HIBCH: variants seen among roughly 807,000 people sequenced by gnomAD.
HIBCH encodes 3-hydroxyisobutyryl-CoA hydrolase.
In HIBCH, 50 loss-of-function variants were observed where a neutral mutation model predicts 58.2. The ratio of observed to expected loss-of-function variants is 0.86; its 90% CI spans 0.68 to 1.09. The LOEUF (loss-of-function observed/expected upper bound fraction) is 1.09. Among genes scored for constraint, HIBCH ranks in the 50% least tolerant of loss-of-function variants. HIBCH has a pLI of 0.00. For missense variants in HIBCH, 450 were observed against 449.7 expected, an observed-to-expected ratio of 1.00 and a Z score of -0.01; for synonymous variants, 151 against 146.9, an observed-to-expected ratio of 1.03 and a Z score of -0.20.
rs570865253 is a variant in HIBCH at position 190,242,774 on chromosome 2, G to C, written c.891+2113C>G. Among the ~76,000 whole-genome samples, 171 of 152,244 alleles carry C rather than the reference G, an allele frequency of 1.1e-3. 4 individuals are homozygous for C. The South Asian group carries it at 0.034, about 30-fold the overall frequency. On this transcript the variant is annotated intron_variant, in intron 11 of 13. Coordinates refer to ENST00000359678, the MANE Select transcript of HIBCH (RefSeq NM_014362.4). ...TTCCTCCATCTTTTGCTAAAAACAT[G>C]TTTGTGCATGCATATACTTGTACTA...
At chr2:190,308,071 T>G (rs902578496) in intron 2 of HIBCH, among the ~76,000 whole-genome samples, 6 of 152,158 alleles carry the variant, frequency 3.9e-5, no homozygotes, top group African/African-American at 1.5e-4. Context: ...AAGAATTGCT[T>G]GGGATACATC....
At chr2:190,224,997 GAAC>G (rs1232803374) in intron 11 of HIBCH, among the ~76,000 whole-genome samples, 8 of 152,194 alleles carry the variant, frequency 5.3e-5, no homozygotes, top group African/African-American at 1.4e-4. Context: ...CTTGGAAACA[GAAC>G]AACTTGCTCC....
At chr2:190,268,712 T>C (rs1422181434) in intron 6 of HIBCH, among the ~76,000 whole-genome samples, 1 of 152,234 alleles carries the variant, frequency 6.6e-6, no homozygotes, top group Non-Finnish European at 1.5e-5. Flanking sequence ...CTCCCATATT[T>C]CCAGATATTA....
At chr2:190,296,985 A>C in intron 2 of HIBCH, 32 bp from the exon 3 acceptor site, 2 of 1,610,148 alleles carry the variant, frequency 1.2e-6, no homozygotes, top group Non-Finnish European at 1.7e-6. Context: ...TTATGACAAA[A>C]TTTCTTAAGT....
intron 11 of HIBCH, among the ~76,000 whole-genome samples, chr2:190,231,763 G>C (rs1360686224): frequency 6.6e-6 from 1 of 151,720 alleles, no homozygotes; most frequent in Non-Finnish European, 1.5e-5. Context: ...AAGAAAAGGA[G>C]AAGAAGGAAT....
rs775016769 is a variant in HIBCH at position 190,210,634 on chromosome 2, T to A, written c.1012-1721A>T. Reference sequence around the variant, plus strand: ...CCTTAGAGAGACCTTCAAGGCTCTGTATGCTCTGCACAGCCTTTCTCTACA... The same window carrying A: ...CCTTAGAGAGACCTTCAAGGCTCTGAATGCTCTGCACAGCCTTTCTCTACA... On this transcript the variant is annotated intron_variant, in intron 12 of 13. Coordinates refer to ENST00000359678, the MANE Select transcript of HIBCH (RefSeq NM_014362.4). The surrounding 1 kb of genome is among the most constrained non-coding windows in gnomAD (Gnocchi z 5.5). 6.6e-6 allele frequency among the ~76,000 whole-genome samples: 1 copy of A among 152,218 alleles called. No homozygotes were observed. Among genetic ancestry groups the A allele is most frequent in the Non-Finnish European group, 1.5e-5 (1 of 68,040 alleles).
intron 1 of HIBCH, among the ~76,000 whole-genome samples, chr2:190,311,999 T>C (rs185788137): frequency 2.0e-5 from 3 of 152,328 alleles, no homozygotes; most frequent in African/African-American, 7.2e-5. Flanking sequence ...TTGGAAATTG[T>C]CTCTATCCCA....
chr2:190,256,636 G>C (rs1359093443), intron 7 of HIBCH, among the ~76,000 whole-genome samples: 1 of 151,970 alleles, frequency 6.6e-6, no homozygotes, highest in Non-Finnish European at 1.5e-5. Flanking sequence ...TAAAGATGCA[G>C]GAAAATACTA....
At chr2:190,192,978 T>G (rs1186171180) in intron 1 of HIBCH, among the ~76,000 whole-genome samples, 2 of 152,128 alleles carry the variant, frequency 1.3e-5, no homozygotes, top group Non-Finnish European at 2.9e-5. Flanking sequence ...TCTCCTTCTC[T>G]CAATCTTTAT....
intron 1 of HIBCH, among the ~76,000 whole-genome samples, chr2:190,316,742 G>A (rs1688716585): frequency 6.6e-6 from 1 of 152,024 alleles, no homozygotes; most frequent in African/African-American, 2.4e-5. Context: ...TCCTAACACA[G>A]AAAACAACCT....
intron 1 of HIBCH, among the ~76,000 whole-genome samples, chr2:190,313,205 G>C (rs193173464): frequency 6.6e-6 from 1 of 150,416 alleles, no homozygotes; most frequent in South Asian, 2.1e-4. Context: ...ACATGCTCAC[G>C]GGCATGTTCG....
chr2:190,295,910 T>G (rs1273237790), intron 3 of HIBCH, among the ~76,000 whole-genome samples: 1 of 152,240 alleles, frequency 6.6e-6, no homozygotes, highest in African/African-American at 2.4e-5. Context: ...GGTACTTATA[T>G]ATACTATTCA....
At chr2:190,270,381 T>G (rs981327882) in intron 6 of HIBCH, among the ~76,000 whole-genome samples, 6 of 151,854 alleles carry the variant, frequency 4.0e-5, no homozygotes, top group Non-Finnish European at 7.4e-5. Context: ...CAGACACATG[T>G]AAACAATTCA....
At chr2:190,247,156 G>T (rs1473828049) in intron 9 of HIBCH, among the ~76,000 whole-genome samples, 4 of 151,962 alleles carry the variant, frequency 2.6e-5, no homozygotes, top group African/African-American at 9.7e-5. Context: ...AACTCTAAGG[G>T]TTGTTTTTTC....
intron 1 of HIBCH, among the ~76,000 whole-genome samples, chr2:190,318,536 G>A (rs1035220418): frequency 2.0e-5 from 3 of 152,130 alleles, no homozygotes; most frequent in African/African-American, 7.2e-5. Flanking sequence ...GTCTGGAAAA[G>A]GCATCTCAGA....
chr2:190,287,466 C>A, intron 6 of HIBCH, 120 bp downstream of exon 6: 1 of 741,086 alleles, frequency 1.3e-6, no homozygotes, highest in Non-Finnish European at 2.4e-6. Flanking sequence ...AAAATCCACA[C>A]AATTATGTTT....
intron 11 of HIBCH, among the ~76,000 whole-genome samples, chr2:190,237,845 A>G (rs531609981): frequency 2.8e-4 from 40 of 145,000 alleles, no homozygotes; most frequent in Non-Finnish European, 5.3e-4. Flanking sequence ...GATGGGCCCC[A>G]GTGTGTGATG....
chr2:190,194,519 C>T (rs143632377), intron 1 of HIBCH, among the ~76,000 whole-genome samples: 79 of 150,016 alleles, frequency 5.3e-4, no homozygotes, highest in African/African-American at 1.8e-3. Flanking sequence ...CACACACACA[C>T]GCAGCATCTC....
At chr2:190,314,308 T>TAC (rs1491442740) in intron 1 of HIBCH, among the ~76,000 whole-genome samples, 1 of 9,512 alleles carries the variant, frequency 1.1e-4, no homozygotes, top group Non-Finnish European at 1.2e-3. Flanking sequence ...TACATATATA[T>TAC]GTGTATATAT....
Sources: allele counts gnomAD v4.1 joint callset (sites outside exome capture counted in the v4.1 genomes callset), GRCh38; gene constraint gnomAD v4.1.1; non-coding constraint Gnocchi (gnomAD v3.1); transcripts MANE v1.5; gene names NCBI Gene and HGNC (gene_info 2026-07-23, HGNC 2026-07-21).